Variants in ATG10 observed in about 807,000 individuals in gnomAD.
ATG10 encodes ubiquitin-like-conjugating enzyme ATG10.
Under a neutral mutation model 32.1 loss-of-function variants are expected in ATG10, and 30 were observed. The ratio of observed to expected loss-of-function variants is 0.94; its 90% CI spans 0.70 to 1.27. The LOEUF (loss-of-function observed/expected upper bound fraction) is 1.27. Among genes scored for constraint, ATG10 ranks in the 50% most tolerant of loss-of-function variants. ATG10 has a pLI of 0.00. For missense variants in ATG10, 233 were observed against 262.3 expected (o/e 0.89, Z 0.77); for synonymous variants, 87 against 91.5 (o/e 0.95, Z 0.28).
At chr5:82,147,194 A>G in intron 3 of ATG10, 1 of 216,488 alleles carries the variant, frequency 4.6e-6, no homozygotes. Flanking sequence ...TTTAAGGTGA[A>G]GTCTTGCTCT....
chr5:82,217,712 C>A (rs1581814875), intron 5 of ATG10, among the ~76,000 whole-genome samples: 1 of 151,868 alleles, frequency 6.6e-6, no homozygotes, highest in East Asian at 1.9e-4. Flanking sequence ...TGGTGGCTCA[C>A]ACCTGTACCC....
intron 5 of ATG10, among the ~76,000 whole-genome samples, chr5:82,218,667 A>G (rs1167466689): frequency 6.6e-6 from 1 of 152,200 alleles, no homozygotes; most frequent in Non-Finnish European, 1.5e-5. Flanking sequence ...CGTCCATTAC[A>G]TCACTTAATT....
At chr5:82,108,340 A>G (rs1451547647) in intron 3 of ATG10, among the ~76,000 whole-genome samples, 1 of 151,900 alleles carries the variant, frequency 6.6e-6, no homozygotes, top group Non-Finnish European at 1.5e-5. Flanking sequence ...ACATGCATAC[A>G]TATTTGTGTA....
chr5:82,232,000 T>C (rs1243384444), intron 5 of ATG10, among the ~76,000 whole-genome samples: 3 of 152,260 alleles, frequency 2.0e-5, no homozygotes, highest in African/African-American at 7.2e-5. Flanking sequence ...AATAGATTGC[T>C]ATTTTATTTT....
Position 82,058,439 on chromosome 5 carries a change from A to T in ATG10, c.109-56A>T, listed in dbSNP as rs546547940. On this transcript the variant is annotated intron_variant, in intron 2 of 7. Transcript: ENST00000282185. ...CTTATGGGAAGTGGTTCTTAAAATG[A>T]TGAATTCTTAAAATAATTGGCATTT... is the stretch of plus-strand genomic sequence containing the variant. 3.2e-5 allele frequency: 41 copies of T among 1,284,510 alleles called. No homozygotes were observed. In the African/African-American group the frequency reaches 5.6e-4, roughly 17 times the overall value. 79.6% of individuals were successfully genotyped at this position (1,284,510 alleles called of 1,614,324 possible).
chr5:81,972,757 C>T (rs1561232165), intron 1 of ATG10, among the ~76,000 whole-genome samples: 1 of 149,138 alleles, frequency 6.7e-6, no homozygotes, highest in Non-Finnish European at 1.5e-5. Context: ...ACAGGTCTTT[C>T]TTTTTTTTTT....
chr5:82,144,433 C>T (rs536521873), intron 3 of ATG10, among the ~76,000 whole-genome samples: 93 of 151,872 alleles, frequency 6.1e-4, no homozygotes, highest in African/African-American at 2.0e-3. Flanking sequence ...TTTTGTTATT[C>T]AATAAAAGGA....
chr5:82,158,713 T>TC (rs964041628), intron 3 of ATG10, among the ~76,000 whole-genome samples: 2 of 152,004 alleles, frequency 1.3e-5, no homozygotes, highest in African/African-American at 4.8e-5. Flanking sequence ...CCTTTAAAAG[T>TC]CACATAATAA....
chr5:82,121,426 T>A (rs1766034569), intron 3 of ATG10, among the ~76,000 whole-genome samples: 1 of 152,184 alleles, frequency 6.6e-6, no homozygotes. Flanking sequence ...TTTGACTCCC[T>A]CTCTTCCTAT....
At chr5:82,060,838 T>G (rs1010155656) in intron 3 of ATG10, among the ~76,000 whole-genome samples, 1 of 150,634 alleles carries the variant, frequency 6.6e-6, no homozygotes, top group Non-Finnish European at 1.5e-5. Context: ...GGTGACAGAG[T>G]GAGACCTTGT....
intron 4 of ATG10, among the ~76,000 whole-genome samples, chr5:82,166,779 G>A (rs1266074901): frequency 6.6e-6 from 1 of 151,988 alleles, no homozygotes; most frequent in Non-Finnish European, 1.5e-5. Context: ...AGAGAGTTCC[G>A]ACCTAGAAAG....
In ATG10 at chr5:82,255,592, T is replaced by C. The variant is rs1467666396; in HGVS notation, c.*1529T>C. The C allele has an allele frequency of 6.6e-6, 1 of 152,230 alleles. No homozygotes were observed. The highest frequency in any genetic ancestry group is 1.5e-5 in the Non-Finnish European group (1 of 68,056). The allele number at this position is 152,230 out of a possible 1,614,324, so 9.4% of individuals were successfully genotyped here. A position where few individuals can be genotyped will look rare whatever the true frequency, so the allele number is the denominator to read the frequency against. On this transcript the variant is annotated 3_prime_UTR_variant, in exon 8 of 8. Coordinates refer to ENST00000282185, the MANE Select transcript of ATG10 (RefSeq NM_031482.5). ...ACAGTCTCTCTGGGGGTGATTCTGC[T>C]CTGGAGAACCTCTGGTCTGGATATA...
intron 3 of ATG10, among the ~76,000 whole-genome samples, chr5:82,142,284 G>T (rs546641115): frequency 1.3e-5 from 2 of 152,144 alleles, no homozygotes; most frequent in African/African-American, 4.8e-5. Flanking sequence ...AGTAAGATAT[G>T]TACTAGTACG....
At chr5:82,078,870 T>G (rs1158588092) in intron 3 of ATG10, 2 of 152,308 alleles carry the variant, frequency 1.3e-5, no homozygotes, top group African/African-American at 2.4e-5. Context: ...TGTAACCTGG[T>G]GAATTGCAGA....
intron 3 of ATG10, among the ~76,000 whole-genome samples, chr5:82,111,719 T>A (rs1765628047): frequency 6.6e-6 from 1 of 151,960 alleles, no homozygotes; most frequent in Non-Finnish European, 1.5e-5. Context: ...AAAACACTGG[T>A]GATCCTCAAA....
chr5:82,063,817 A>T (rs536211381), intron 3 of ATG10, among the ~76,000 whole-genome samples: 11 of 152,234 alleles, frequency 7.2e-5, no homozygotes, highest in African/African-American at 2.4e-4. Context: ...TTAAAAACTG[A>T]GACCTATCAG....
intron 3 of ATG10, among the ~76,000 whole-genome samples, chr5:82,142,612 A>G (rs1767198022): frequency 6.6e-6 from 1 of 152,202 alleles, no homozygotes; most frequent in Non-Finnish European, 1.5e-5. Flanking sequence ...GAGATCGAAT[A>G]TTGACCTGTG....
chr5:82,012,687 C>T (rs982445913), intron 2 of ATG10, among the ~76,000 whole-genome samples: 3 of 152,068 alleles, frequency 2.0e-5, no homozygotes, highest in Non-Finnish European at 4.4e-5. Context: ...GACAGGGTCT[C>T]ACTGTGTCAT....
chr5:82,086,811 T>TA (rs1277230922), intron 3 of ATG10, among the ~76,000 whole-genome samples: 3 of 152,190 alleles, frequency 2.0e-5, no homozygotes, highest in Non-Finnish European at 2.9e-5. Flanking sequence ...TCACAGTGTA[T>TA]AATATTCCTT....
Sources: gnomAD v4.1 joint callset for allele counts (sites outside exome capture counted in the v4.1 genomes callset) on GRCh38, gnomAD v4.1.1 for gene constraint, MANE v1.5 for transcripts, NCBI Gene and HGNC (gene_info 2026-07-23, HGNC 2026-07-21) for gene names.